The following NTN4 variants were observed in gnomAD, a reference collection of about 807,000 sequenced individuals.
The protein encoded by NTN4 is netrin-4.
In NTN4, 32 loss-of-function variants were observed where a neutral mutation model predicts 73.6. The observed-to-expected ratio is 0.44, with a 90% CI of 0.33 to 0.58. NTN4 has a LOEUF of 0.58. Ranked by LOEUF, NTN4 falls within the 20% of genes least tolerant of loss-of-function variation. The pLI, the probability that NTN4 is intolerant of heterozygous loss-of-function variation, is 0.04. For synonymous variants in NTN4, 258 were observed against 287.5 expected (o/e 0.90, Z 1.04); for missense variants, 654 against 798.3 (o/e 0.82, Z 2.18).
In NTN4 at chr12:95,738,147, G is replaced by T; in HGVS notation, c.586-3C>A. ...GGTGACAAAGCTTTGAAAATAACCT[G>T]TAAGGAGAAAGAAAATACCATGCGT... On this transcript the variant is annotated splice_polypyrimidine_tract_variant and splice_region_variant and intron_variant, in intron 2 of 9. Coordinates refer to ENST00000343702, the MANE Select transcript of NTN4 (RefSeq NM_021229.4). The T allele has an allele frequency of 6.2e-7, 1 of 1,608,626 alleles. No homozygotes were observed. Among genetic ancestry groups the T allele is most frequent in the Non-Finnish European group, 8.5e-7 (1 of 1,176,842 alleles).
At chr12:95,665,104 C>T (rs1182552665) in intron 9 of NTN4, among the ~76,000 whole-genome samples, 1 of 152,118 alleles carries the variant, frequency 6.6e-6, no homozygotes, top group African/African-American at 2.4e-5. Flanking sequence ...ATCCCATCCT[C>T]AAATTTGATG....
chr12:95,737,797 C>A, intron 3 of NTN4, 69 bp downstream of exon 3: 2 of 1,506,418 alleles, frequency 1.3e-6, no homozygotes, highest in Non-Finnish European at 1.8e-6. Flanking sequence ...TAAGCATATA[C>A]CAACCAATGC....
intron 8 of NTN4, among the ~76,000 whole-genome samples, chr12:95,667,463 G>A (rs1001289605): frequency 1.3e-5 from 2 of 152,004 alleles, no homozygotes; most frequent in Non-Finnish European, 2.9e-5. Flanking sequence ...CATACTCTGC[G>A]AATACAGCGT....
chr12:95,721,486 C>T (rs1042493138), intron 3 of NTN4, among the ~76,000 whole-genome samples: 4 of 152,148 alleles, frequency 2.6e-5, no homozygotes, highest in African/African-American at 9.7e-5. Context: ...GGGGAATTTC[C>T]AGGCCACTGC....
intron 2 of NTN4, among the ~76,000 whole-genome samples, chr12:95,757,688 CA>C (rs58691121): frequency 0.4 from 38,590 of 97,506 alleles, 5,764 homozygotes; most frequent in South Asian, 0.48. Context: ...AAAAATAATA[CA>C]AAAAAAAAAA....
intron 2 of NTN4, among the ~76,000 whole-genome samples, chr12:95,751,667 A>G (rs191318919): frequency 0.014 from 2,152 of 152,036 alleles, 55 homozygotes; most frequent in South Asian, 0.077. Flanking sequence ...CTGCCCGATC[A>G]CCTCGGAAGC....
intron 2 of NTN4, among the ~76,000 whole-genome samples, chr12:95,746,961 T>G (rs1378921505): frequency 6.6e-6 from 1 of 152,200 alleles, no homozygotes; most frequent in Non-Finnish European, 1.5e-5. Context: ...AATCTGGTCC[T>G]TATTACCCAT....
chr12:95,684,386 C>T (rs1338952896), intron 5 of NTN4, among the ~76,000 whole-genome samples: 4 of 151,974 alleles, frequency 2.6e-5, no homozygotes, highest in Non-Finnish European at 5.9e-5. Context: ...GCAGCCTCAA[C>T]TTCTTGAGCT....
intron 2 of NTN4, among the ~76,000 whole-genome samples, chr12:95,752,209 A>G (rs981628914): frequency 6.6e-6 from 1 of 151,780 alleles, no homozygotes; most frequent in Non-Finnish European, 1.5e-5. Context: ...CGCCTGCTAC[A>G]GCATGGCCTT....
intron 2 of NTN4, among the ~76,000 whole-genome samples, chr12:95,771,564 A>C (rs2079059703): frequency 6.6e-6 from 1 of 152,206 alleles, no homozygotes. Context: ...TCATAACATT[A>C]AGCAGAAAAA....
chr12:95,711,264 A>G (rs1319076981), intron 4 of NTN4, among the ~76,000 whole-genome samples: 1 of 152,066 alleles, frequency 6.6e-6, no homozygotes, highest in African/African-American at 2.4e-5. Context: ...CAAAGTGTAG[A>G]TTTGTCTAGT....
At chr12:95,740,629 A>G (rs1171704223) in intron 2 of NTN4, among the ~76,000 whole-genome samples, 1 of 152,196 alleles carries the variant, frequency 6.6e-6, no homozygotes, top group Non-Finnish European at 1.5e-5. Flanking sequence ...CATTACAGAA[A>G]AATCGGTCAT....
intron 7 of NTN4, among the ~76,000 whole-genome samples, chr12:95,680,672 A>G (rs1037774308): frequency 6.6e-6 from 1 of 152,228 alleles, no homozygotes; most frequent in Admixed American, 6.5e-5. Context: ...AGATGGATAA[A>G]CCTCAAAAAA....
chr12:95,762,058 A>G (rs1377619057), intron 2 of NTN4, among the ~76,000 whole-genome samples: 2 of 152,192 alleles, frequency 1.3e-5, no homozygotes, highest in Non-Finnish European at 1.5e-5. Context: ...TGGGTGCCAC[A>G]GAAAACCACC....
At chr12:95,661,845 TA>T (rs67197930) in intron 9 of NTN4, among the ~76,000 whole-genome samples, 136,053 of 152,096 alleles carry the variant, frequency 0.89, 61,101 homozygotes, top group East Asian at 1. Flanking sequence ...TGTGCTAGAA[TA>T]AAAAAAGAGT....
intron 3 of NTN4, among the ~76,000 whole-genome samples, chr12:95,716,771 GT>G (rs1034753089): frequency 2.6e-5 from 4 of 151,842 alleles, no homozygotes; most frequent in Non-Finnish European, 4.4e-5. Flanking sequence ...TTCTTATGTA[GT>G]TTTTTTGCAT....
chr12:95,689,444 A>G (rs2078386058), intron 5 of NTN4, among the ~76,000 whole-genome samples: 1 of 152,112 alleles, frequency 6.6e-6, no homozygotes, highest in Non-Finnish European at 1.5e-5. Context: ...CTTTGCCTTT[A>G]TTAATTTCAA....
intron 8 of NTN4, among the ~76,000 whole-genome samples, chr12:95,666,181 G>C (rs7959545): frequency 0.89 from 136,134 of 152,198 alleles, 61,145 homozygotes; most frequent in East Asian, 1. Flanking sequence ...GAATGGAAAA[G>C]CAAACCTCAT....
At chr12:95,713,959 C>A (rs2121095157) in intron 3 of NTN4, among the ~76,000 whole-genome samples, 1 of 151,992 alleles carries the variant, frequency 6.6e-6, no homozygotes, top group African/African-American at 2.4e-5. Context: ...ATCATTGTAG[C>A]TAAGTATTTG....
Sources: allele counts gnomAD v4.1 joint callset (sites outside exome capture counted in the v4.1 genomes callset), GRCh38; gene constraint gnomAD v4.1.1; transcripts MANE v1.5; gene names NCBI Gene and HGNC (gene_info 2026-07-23, HGNC 2026-07-21).